Variants in SMIM19 observed in about 807,000 individuals in gnomAD.
The protein encoded by SMIM19 is UPF0697 protein C8orf40.
SMIM19 carries 6 observed loss-of-function variants against 13.2 expected under a neutral mutation model. That is an observed-to-expected ratio of 0.45 (90% confidence interval 0.25 to 0.90). The LOEUF (loss-of-function observed/expected upper bound fraction) is 0.90, where lower values mean the gene tolerates loss of function less well. Among genes scored for constraint, SMIM19 ranks in the 40% least tolerant of loss-of-function variants. The probability of loss-of-function intolerance (pLI) is 0.19; values close to 1 mark genes in which losing one functional copy is unlikely to be tolerated. For missense variants in SMIM19, 138 were observed against 131.0 expected (o/e 1.05, Z -0.26); for synonymous variants, 46 against 43.1 (o/e 1.07, Z -0.27).
intron 3 of SMIM19, among the ~76,000 whole-genome samples, chr8:42,549,450 T>C (rs1371343340): frequency 1.3e-5 from 2 of 151,314 alleles, no homozygotes; most frequent in African/African-American, 4.9e-5. Flanking sequence ...ATGCTACACA[T>C]GGATGAACCT....
chr8:42,550,740 T>C (rs966240317), intron 3 of SMIM19, among the ~76,000 whole-genome samples: 7 of 152,118 alleles, frequency 4.6e-5, no homozygotes, highest in African/African-American at 1.7e-4. Flanking sequence ...TGAGGTAACA[T>C]AGGCACAGAT....
At chr8:42,549,941 C>A (rs1471560222) in intron 3 of SMIM19, among the ~76,000 whole-genome samples, 1 of 151,764 alleles carries the variant, frequency 6.6e-6, no homozygotes, top group Non-Finnish European at 1.5e-5. Context: ...ACTAAAAGTA[C>A]AAAAATTAGC....
chr8:42,551,712 C>A (rs913733658), intron 3 of SMIM19, among the ~76,000 whole-genome samples: 4 of 152,136 alleles, frequency 2.6e-5, no homozygotes, highest in African/African-American at 9.7e-5. Context: ...GAGGCCAAGG[C>A]AGGATGATCG....
At chr8:42,550,267 TATAAA>T (rs1416380882) in intron 3 of SMIM19, among the ~76,000 whole-genome samples, 2 of 152,164 alleles carry the variant, frequency 1.3e-5, no homozygotes, top group Non-Finnish European at 1.5e-5. Context: ...ATGGAAATGA[TATAAA>T]ATAAAATTGA....
intron 1 of SMIM19, among the ~76,000 whole-genome samples, chr8:42,544,140 G>C (rs937189752): frequency 1.3e-5 from 2 of 152,134 alleles, no homozygotes; most frequent in Non-Finnish European, 2.9e-5. Context: ...GGCCGGGCGC[G>C]GTGGCTCACG....
At chr8:42,547,387 AGAAAT>A (rs1813526576) in intron 2 of SMIM19, among the ~76,000 whole-genome samples, 2 of 152,118 alleles carry the variant, frequency 1.3e-5, no homozygotes, top group African/African-American at 4.8e-5. Flanking sequence ...CATCGCTTTA[AGAAAT>A]GAAGAGTTAA....
chr8:42,542,811 TAA>T (rs570846971), intron 1 of SMIM19, among the ~76,000 whole-genome samples: 1 of 141,842 alleles, frequency 7.1e-6, no homozygotes, highest in African/African-American at 2.6e-5. Flanking sequence ...CCCCCGTCTT[TAA>T]AAAAAAAAAA....
At chr8:42,546,644 A>C in intron 2 of SMIM19, 38 bp downstream of exon 2, 1 of 1,585,156 alleles carries the variant, frequency 6.3e-7, no homozygotes, top group Non-Finnish European at 8.5e-7. Flanking sequence ...AAAACTGTGC[A>C]TTTACAAGTT....
rs946268256 is a variant in SMIM19 at position 42,553,365 on chromosome 8, A to G, written c.*757A>G. 1 of 152,108 alleles carries G rather than the reference A, an allele frequency of 6.6e-6. No individual in the cohort carries two copies. Among genetic ancestry groups the G allele is most frequent in the African/African-American group, 2.4e-5 (1 of 41,416 alleles). 9.4% of individuals were successfully genotyped at this position (152,108 alleles called of 1,614,324 possible). ...CGTTTCATTTCTACCAGGTAGCTCT[A>G]CTTTAGGCCATACTGGGGACCTGCT... On this transcript the variant is annotated 3_prime_UTR_variant, in exon 4 of 4. Transcript: ENST00000417410.
At chr8:42,541,361 G>C (rs1228427693), upstream of SMIM19, 2 of 146,844 alleles carry the variant, frequency 1.4e-5, no homozygotes, top group Non-Finnish European at 3.0e-5. Context: ...GCGGGAGCCC[G>C]GGAGTCGGGC....
intron 1 of SMIM19, among the ~76,000 whole-genome samples, chr8:42,545,709 T>C (rs1813455544): frequency 6.6e-6 from 1 of 152,172 alleles, no homozygotes; most frequent in South Asian, 2.1e-4. Context: ...TTTTTGTATT[T>C]TTAGAGAAAC....
rs779995505 is a variant in SMIM19 at position 42,546,481 on chromosome 8, G to A, written c.9G>A (p.Gly3=). The A allele has an allele frequency of 3.7e-6, 6 of 1,609,662 alleles. No individual in the cohort carries two copies. Among genetic ancestry groups the A allele is most frequent in the Admixed American group, 1.7e-5 (1 of 58,658 alleles). The part of the protein sequence containing the change: MA[G]GYGVMGDDGS... ...TTCTCTCTTACAGCCCCATGGCTGG[G>A]GGTTATGGAGTGATGGGTGACGATG... Residue 3 remains glycine (G), a synonymous_variant, in exon 2 of 4, where the codon GGG becomes GGA. Coordinates refer to ENST00000417410, the MANE Select transcript of SMIM19 (RefSeq NM_001135674.2).
chr8:42,546,503 G>A lies in SMIM19; in HGVS notation c.31G>A (p.Asp11Asn). MAGGYGVMGD[D>N]GSIDYTVHEA... ...TGGGGGTTATGGAGTGATGGGTGAC[G>A]ATGGTTCTATTGATTATACTGTTCA... The change falls in exon 2 of 4, where the codon GAT becomes AAT. Residue 11 changes from aspartate (D) to asparagine (N), a missense_variant. By Grantham distance (23) the Asp-to-Asn change is conservative. Coordinates refer to ENST00000417410, the MANE Select transcript of SMIM19 (RefSeq NM_001135674.2). 6.2e-7 allele frequency: 1 copy of A among 1,613,684 alleles called. No individual in the cohort carries two copies. Among genetic ancestry groups the A allele is most frequent in the Non-Finnish European group, 8.5e-7 (1 of 1,179,902 alleles).
chr8:42,546,583 C>T lies in SMIM19; in HGVS notation c.111C>T (p.Phe37=), dbSNP rs369347069. 257 of 1,613,840 alleles carry T rather than the reference C, an allele frequency of 1.6e-4. 1 individual carries two copies. The highest frequency in any genetic ancestry group is 1.1e-3 in the South Asian group (97 of 91,040). Reference sequence around the variant, plus strand: ...ACTTGATAGTTATCCTTGTTAGCTTCGGTCTCTTCATGTATGCCAAAAGGT... The same window carrying T: ...ACTTGATAGTTATCCTTGTTAGCTTTGGTCTCTTCATGTATGCCAAAAGGT... ...NVYLIVILVS[F]GLFMYAKRNK... Residue 37 remains phenylalanine (F), a synonymous_variant, in exon 2 of 4, where the codon TTC becomes TTT. Coordinates refer to ENST00000417410, the MANE Select transcript of SMIM19 (RefSeq NM_001135674.2).
intron 1 of SMIM19, among the ~76,000 whole-genome samples, chr8:42,543,025 A>T (rs1372451229): frequency 6.6e-6 from 1 of 151,608 alleles, no homozygotes; most frequent in Admixed American, 6.6e-5. Context: ...AAGTTTGTCA[A>T]TCTAAAACCA....
chr8:42,545,186 ACT>A (rs1813435412), intron 1 of SMIM19, among the ~76,000 whole-genome samples: 1 of 152,156 alleles, frequency 6.6e-6, no homozygotes, highest in Non-Finnish European at 1.5e-5. Flanking sequence ...CAAGGGAGGA[ACT>A]CTCTTTAAAG....
intron 1 of SMIM19, among the ~76,000 whole-genome samples, chr8:42,544,351 C>T (rs1813402678): frequency 6.7e-6 from 1 of 150,248 alleles, no homozygotes; most frequent in Non-Finnish European, 1.5e-5. Flanking sequence ...GCGGAGCTTG[C>T]AGTGAGCCGA....
chr8:42,548,797 C>T lies in SMIM19; in HGVS notation c.259+17C>T, dbSNP rs1289101141. 6 of 1,607,634 alleles carry T rather than the reference C, an allele frequency of 3.7e-6. No individual in the cohort carries two copies. In the African/African-American group the frequency reaches 4.0e-5, roughly 11 times the overall value. On this transcript the variant is annotated intron_variant, in intron 3 of 3. Transcript: ENST00000417410. ...ATTCCATTTGTAAGTATATTCTGTGCTGAAAGATACACATATGCACATTTA... is the reference window on the plus strand; with the variant it reads ...ATTCCATTTGTAAGTATATTCTGTGTTGAAAGATACACATATGCACATTTA...
chr8:42,552,858 C>T lies in SMIM19; in HGVS notation c.*250C>T, dbSNP rs923187283. The T allele has an allele frequency of 2.4e-6, 1 of 409,772 alleles. No homozygotes were observed. Among genetic ancestry groups the T allele is most frequent in the African/African-American group, 2.0e-5 (1 of 50,270 alleles). 25.4% of individuals were successfully genotyped at this position (409,772 alleles called of 1,614,324 possible). ...GATGGTGACTTGACCTTGCCAAGAC[C>T]TGTGATTCCTTCAGGATACAATCAG... On this transcript the variant is annotated 3_prime_UTR_variant, in exon 4 of 4. Transcript: ENST00000417410.
Sources: gnomAD v4.1 joint callset for allele counts (sites outside exome capture counted in the v4.1 genomes callset) on GRCh38, gnomAD v4.1.1 for gene constraint, MANE v1.5 for transcripts, NCBI Gene and HGNC (gene_info 2026-07-23, HGNC 2026-07-21) for gene names.